CELF2: variants seen among roughly 807,000 people sequenced by gnomAD.
The protein encoded by CELF2 is CUGBP Elav-like family member 2, also known as CUG triplet repeat RNA-binding protein 2.
CELF2 carries 8 observed loss-of-function variants against 62.6 expected under a neutral mutation model. The ratio of observed to expected loss-of-function variants is 0.13; its 90% confidence interval spans 0.07 to 0.23. The LOEUF is 0.23. CELF2 is among the 10% of genes least tolerant of loss of function. The pLI is 1.00. For synonymous variants in CELF2, 258 were observed against 250.0 expected, an observed-to-expected ratio of 1.03 and a Z score of -0.30; for missense variants, 333 against 671.0, an observed-to-expected ratio of 0.50 and a Z score of 5.56.
chr10:10,624,642 G>A, the CELF2 span, among the ~76,000 whole-genome samples: 1 of 152,144 alleles, frequency 6.6e-6, no homozygotes, highest in African/African-American at 2.4e-5. Flanking sequence ...GTCCTGATGC[G>A]ATTATATATG....
chr10:11,012,712 G>A lies in CELF2; in HGVS notation c.53+7272G>A, dbSNP rs149089611. Among the ~76,000 whole-genome samples the A allele has an allele frequency of 1.1e-4, 16 of 152,208 alleles. No homozygotes were observed. In the East Asian group the frequency reaches 1.4e-3, roughly 13 times the overall value. ...TCTGACCAGTTGGGGAAAACATGTCGTCGGGGTGGGGGCAGTGAGGGGTGG... is the reference window on the plus strand; with the variant it reads ...TCTGACCAGTTGGGGAAAACATGTCATCGGGGTGGGGGCAGTGAGGGGTGG... On this transcript the variant is annotated intron_variant, in intron 1 of 12. Transcript: ENST00000416382. This position sits in a 1 kb window ranked among gnomAD's most constrained non-coding sequence, Gnocchi z 5.5.
intron 1 of CELF2, among the ~76,000 whole-genome samples, chr10:10,882,690 C>T (rs1156859309): frequency 6.6e-6 from 1 of 152,136 alleles, no homozygotes; most frequent in Non-Finnish European, 1.5e-5. Flanking sequence ...CAGTTTGCCT[C>T]ATGTGAATTT....
intron 1 of CELF2, among the ~76,000 whole-genome samples, chr10:11,069,022 C>T (rs182111562): frequency 1.3e-5 from 2 of 152,210 alleles, no homozygotes; most frequent in Admixed American, 1.3e-4. Context: ...TTTGTTCATC[C>T]ATGCTTATCA....
rs2091131858 is a variant in CELF2, at chr10:11,285,872, TG to T, written c.842-2545del. Among the ~76,000 whole-genome samples the T allele has an allele frequency of 8.4e-6, 1 of 119,288 alleles. No homozygotes were observed. The highest frequency in any genetic ancestry group is 1.6e-5 in the Non-Finnish European group (1 of 61,172). The allele number at this position is 119,288 out of a possible 152,430, so 78.3% of individuals were successfully genotyped here. A position where few individuals can be genotyped will look rare whatever the true frequency, so the allele number is the denominator to read the frequency against. ...GTGTGTGTGTGTGTGTGTGTGTGTG[TG>T]TGTGTTTTTACATGGACTTGAAAAT... On this transcript the variant is annotated intron_variant, in intron 8 of 12. Coordinates refer to ENST00000633077, the MANE Select transcript of CELF2 (RefSeq NM_001326342.2). This position sits in a 1 kb window ranked among gnomAD's most constrained non-coding sequence, Gnocchi z 4.3.
chr10:10,827,280 T>C (rs1195065630), intron 1 of CELF2, among the ~76,000 whole-genome samples: 2 of 152,196 alleles, frequency 1.3e-5, no homozygotes, highest in African/African-American at 4.8e-5. Flanking sequence ...ATCTCAATAA[T>C]GGGGTACTCA....
intron 1 of CELF2, among the ~76,000 whole-genome samples, chr10:11,023,257 C>G (rs2058635459): frequency 6.6e-6 from 1 of 152,212 alleles, no homozygotes; most frequent in African/African-American, 2.4e-5. Flanking sequence ...CTGTTTGTTT[C>G]CTCCACCAAG....
intron 2 of CELF2, among the ~76,000 whole-genome samples, chr10:11,175,687 G>C (rs2070810847): frequency 6.6e-6 from 1 of 152,192 alleles, no homozygotes; most frequent in South Asian, 2.1e-4. Context: ...AATGAGTTGA[G>C]GTTAGGGTAC....
At chr10:11,109,697 C>G (rs945471191) in intron 1 of CELF2, among the ~76,000 whole-genome samples, 1 of 152,192 alleles carries the variant, frequency 6.6e-6, no homozygotes, top group Non-Finnish European at 1.5e-5. Flanking sequence ...CCCTCACAAT[C>G]TATTCCTGCC....
chr10:10,621,397 A>G, the CELF2 span, among the ~76,000 whole-genome samples: 7 of 152,160 alleles, frequency 4.6e-5, no homozygotes, highest in African/African-American at 7.2e-5. Flanking sequence ...AACATTCCCT[A>G]TGGCACATTT....
At chr10:10,744,102 A>G in the CELF2 span, among the ~76,000 whole-genome samples, 1 of 152,184 alleles carries the variant, frequency 6.6e-6, no homozygotes, top group Non-Finnish European at 1.5e-5. Flanking sequence ...AAACAGTGAA[A>G]TTAATCCAAA....
chr10:11,043,475 C>G (rs1316783862), intron 1 of CELF2, among the ~76,000 whole-genome samples: 2 of 152,200 alleles, frequency 1.3e-5, no homozygotes, highest in Non-Finnish European at 2.9e-5. Flanking sequence ...TAGCCTCAAC[C>G]TTGCCCTGAA....
Position 11,314,055 on chromosome 10 carries a change from G to A in CELF2, c.977-84G>A. 7.2e-7 allele frequency: 1 copy of A among 1,393,004 alleles called. No individual in the cohort carries two copies. Among genetic ancestry groups the A allele is most frequent in the Non-Finnish European group, 1.0e-6 (1 of 1,003,006 alleles). The allele number at this position is 1,393,004 out of a possible 1,614,324, so 86.3% of individuals were successfully genotyped here. A position where few individuals can be genotyped will look rare whatever the true frequency, so the allele number is the denominator to read the frequency against. On this transcript the variant is annotated intron_variant, in intron 9 of 12. Coordinates refer to ENST00000633077, the MANE Select transcript of CELF2 (RefSeq NM_001326342.2). This position sits in a 1 kb window ranked among gnomAD's most constrained non-coding sequence, Gnocchi z 5.3. ...GCACAGCTCCTCAGCTCCGTCCACT[G>A]AGATGATGACAGAAGGATTTCCAGT...
In CELF2 at chr10:11,110,370, A is replaced by G. The variant is rs977479677; in HGVS notation, c.75-55116A>G. Among the ~76,000 whole-genome samples the G allele has an allele frequency of 1.3e-5, 2 of 152,212 alleles. No individual in the cohort carries two copies. The highest frequency in any genetic ancestry group is 2.4e-5 in the African/African-American group (1 of 41,448). On this transcript the variant is annotated intron_variant, in intron 1 of 12. Coordinates refer to ENST00000633077, the MANE Select transcript of CELF2 (RefSeq NM_001326342.2). The surrounding 1 kb of genome is among the most constrained non-coding windows in gnomAD (Gnocchi z 4.0). ...TTCTGTGTGAGTATTCATCCCCGTC[A>G]TTGAGTGGAACAGAAAAAATGTGAA...
intron 1 of CELF2, among the ~76,000 whole-genome samples, chr10:11,134,619 C>T (rs1402530986): frequency 1.3e-5 from 2 of 152,188 alleles, no homozygotes; most frequent in Non-Finnish European, 2.9e-5. Context: ...TCTCTGTTAC[C>T]GCTGTCTCCA....
rs1255752368 is a variant in CELF2, at chr10:10,931,943, T to C, written c.89+11944T>C. 6.6e-6 allele frequency among the ~76,000 whole-genome samples: 1 copy of C among 152,150 alleles called. No individual in the cohort carries two copies. The highest frequency in any genetic ancestry group is 1.5e-5 in the Non-Finnish European group (1 of 68,040). On this transcript the variant is annotated intron_variant, in intron 2 of 13. Transcript: ENST00000636488. This position sits in a 1 kb window ranked among gnomAD's most constrained non-coding sequence, Gnocchi z 6.1. The stretch of plus-strand genomic sequence containing the variant: ...GAGAACTTGTGCAGGGGAACTGCCC[T>C]TTATAAAACCATCACATCTCATGAG...
chr10:11,057,878 A>G lies in CELF2; in HGVS notation c.74+39715A>G, dbSNP rs143598720. On this transcript the variant is annotated intron_variant, in intron 1 of 12. Transcript: ENST00000633077. ...TTCTGACATTTGCTAGCGGTCTACC[A>G]CAAAGAACAATTATATTTAGCAAGA... Among the ~76,000 whole-genome samples, 745 of 152,342 alleles carry G rather than the reference A, an allele frequency of 4.9e-3. 6 individuals carry two copies. Among genetic ancestry groups the G allele is most frequent in the African/African-American group, 0.018 (728 of 41,582 alleles).
chr10:11,327,480 C>T (rs776964382), intron 12 of CELF2, among the ~76,000 whole-genome samples: 12 of 152,254 alleles, frequency 7.9e-5, no homozygotes, highest in East Asian at 7.7e-4. Flanking sequence ...TTTTGTGGAA[C>T]GCTATAGCAC....
rs918591979 is a variant in CELF2 at position 11,311,502 on chromosome 10, A to G, written c.977-2637A>G. ...ACCAAGAGTGAGAAATAGCAGGGACATTATTAGACACCACCATTATTAGAC... is the reference window on the plus strand; with the variant it reads ...ACCAAGAGTGAGAAATAGCAGGGACGTTATTAGACACCACCATTATTAGAC... On this transcript the variant is annotated intron_variant, in intron 9 of 12. Coordinates refer to ENST00000633077, the MANE Select transcript of CELF2 (RefSeq NM_001326342.2). This position sits in a 1 kb window ranked among gnomAD's most constrained non-coding sequence, Gnocchi z 4.7. Among the ~76,000 whole-genome samples, 35 of 152,358 alleles carry G rather than the reference A, an allele frequency of 2.3e-4. No individual in the cohort carries two copies. The highest frequency in any genetic ancestry group is 8.4e-4 in the African/African-American group (35 of 41,584).
At chr10:11,232,167 G>C (rs187530292) in intron 3 of CELF2, among the ~76,000 whole-genome samples, 1 of 148,228 alleles carries the variant, frequency 6.7e-6, no homozygotes, top group African/African-American at 2.5e-5. Flanking sequence ...AACAGGCCCC[G>C]GTGTGTGATG....
Sources: gnomAD v4.1 joint callset for allele counts (sites outside exome capture counted in the v4.1 genomes callset) on GRCh38, gnomAD v4.1.1 for gene constraint, Gnocchi (gnomAD v3.1) non-coding constraint, MANE v1.5 for transcripts, NCBI Gene and HGNC (gene_info 2026-07-23, HGNC 2026-07-21) for gene names.